The following NOL4 variants were observed in gnomAD, a reference collection of about 807,000 sequenced individuals.
The protein encoded by NOL4 is nucleolar protein 4, also known as cancer/testis antigen 125.
NOL4 carries 17 observed loss-of-function variants against 75.9 expected under a neutral mutation model. That is an observed-to-expected ratio of 0.22 (90% CI 0.15 to 0.34). The LOEUF (loss-of-function observed/expected upper bound fraction) is 0.34, where lower values mean the gene tolerates loss of function less well. NOL4 is among the 10% of genes least tolerant of loss of function. NOL4 has a pLI of 1.00. For missense variants in NOL4, 614 were observed against 793.5 expected, an observed-to-expected ratio of 0.77 and a Z score of 2.72; for synonymous variants, 292 against 289.9, an observed-to-expected ratio of 1.01 and a Z score of -0.07.
chr18:33,861,709 T>C (rs1403257391), intron 10 of NOL4, among the ~76,000 whole-genome samples: 2 of 152,190 alleles, frequency 1.3e-5, no homozygotes, highest in East Asian at 3.9e-4. Context: ...ATCCACCTTA[T>C]AAGGGACATG....
At chr18:33,944,843 T>C (rs1267207918) in intron 8 of NOL4, among the ~76,000 whole-genome samples, 1 of 151,888 alleles carries the variant, frequency 6.6e-6, no homozygotes, top group Non-Finnish European at 1.5e-5. Context: ...TCTACTTCAC[T>C]AAGTATAAAG....
chr18:33,887,082 A>T (rs2064772548), intron 9 of NOL4, among the ~76,000 whole-genome samples: 1 of 140,508 alleles, frequency 7.1e-6, no homozygotes, highest in Non-Finnish European at 1.5e-5. Context: ...ATATATCTAT[A>T]TATATTAGAT....
intron 5 of NOL4, among the ~76,000 whole-genome samples, chr18:34,062,964 A>C (rs557137073): frequency 1.3e-5 from 2 of 152,280 alleles, no homozygotes; most frequent in African/African-American, 4.8e-5. Flanking sequence ...AATCAACTTT[A>C]TATCATAGAA....
chr18:34,109,867 T>C (rs915168965), intron 2 of NOL4, among the ~76,000 whole-genome samples: 10 of 151,568 alleles, frequency 6.6e-5, no homozygotes, highest in Non-Finnish European at 1.5e-4. Context: ...ACAAGAATCA[T>C]GAACAATTAT....
intron 5 of NOL4, among the ~76,000 whole-genome samples, chr18:34,042,753 T>C (rs2076195090): frequency 6.6e-6 from 1 of 152,046 alleles, no homozygotes; most frequent in African/African-American, 2.4e-5. Flanking sequence ...AAGAGAAATC[T>C]CATGTGCTAA....
chr18:33,943,255 C>T, intron 8 of NOL4, 77 bp from the exon 9 acceptor site: 1 of 887,824 alleles, frequency 1.1e-6, no homozygotes. Context: ...CTCAGAAGAG[C>T]TCTCAGGATC....
chr18:34,118,049 T>C (rs1276771388), intron 2 of NOL4, among the ~76,000 whole-genome samples: 1 of 152,192 alleles, frequency 6.6e-6, no homozygotes, highest in Non-Finnish European at 1.5e-5. Flanking sequence ...ACTTGGTGCT[T>C]TGGTATATTG....
intron 1 of NOL4, among the ~76,000 whole-genome samples, chr18:34,168,110 A>C (rs1162321738): frequency 6.6e-6 from 1 of 152,080 alleles, no homozygotes; most frequent in Admixed American, 6.5e-5. Context: ...TGAATTCAGA[A>C]ATTTAGGAAA....
chr18:34,048,602 C>T, intron 5 of NOL4: 4 of 985,352 alleles, frequency 4.1e-6, no homozygotes, highest in Non-Finnish European at 4.8e-6. Flanking sequence ...AAGAGCTAAT[C>T]TTTCCTGTAT....
intron 1 of NOL4, among the ~76,000 whole-genome samples, chr18:34,201,119 G>A (rs1426538506): frequency 6.6e-6 from 1 of 151,698 alleles, no homozygotes. Context: ...AGCAAGAGAG[G>A]GGGACAGAGG....
chr18:33,977,288 T>G (rs2071567801), intron 6 of NOL4, among the ~76,000 whole-genome samples: 1 of 152,134 alleles, frequency 6.6e-6, no homozygotes, highest in Non-Finnish European at 1.5e-5. Flanking sequence ...CACCCAAATC[T>G]CATCTTGAAT....
At chr18:34,171,574 A>G (rs895543451) in intron 1 of NOL4, among the ~76,000 whole-genome samples, 1 of 152,202 alleles carries the variant, frequency 6.6e-6, no homozygotes, top group African/African-American at 2.4e-5. Context: ...CTGAATGACC[A>G]TAGTCTTACT....
At chr18:34,054,321 G>A (rs1184455746) in intron 5 of NOL4, among the ~76,000 whole-genome samples, 1 of 151,650 alleles carries the variant, frequency 6.6e-6, no homozygotes, top group Non-Finnish European at 1.5e-5. Context: ...TACTATTATT[G>A]TGCTGCTGTA....
chr18:34,057,179 T>G (rs973576721), intron 5 of NOL4, among the ~76,000 whole-genome samples: 10 of 152,244 alleles, frequency 6.6e-5, no homozygotes, highest in African/African-American at 2.2e-4. Flanking sequence ...AGGCAGGGAT[T>G]TTACACTGTT....
intron 10 of NOL4, among the ~76,000 whole-genome samples, chr18:33,872,340 T>A (rs1034920842): frequency 2.0e-5 from 3 of 152,054 alleles, no homozygotes; most frequent in Non-Finnish European, 4.4e-5. Flanking sequence ...CACACTGGGA[T>A]TAGTTCTTCT....
At chr18:34,133,108 A>G (rs544601762) in intron 1 of NOL4, among the ~76,000 whole-genome samples, 3 of 151,976 alleles carry the variant, frequency 2.0e-5, no homozygotes, top group Non-Finnish European at 4.4e-5. Flanking sequence ...CTCCATCTCT[A>G]CTAAAAATAC....
intron 1 of NOL4, among the ~76,000 whole-genome samples, chr18:34,166,417 G>C (rs1315976660): frequency 3.3e-5 from 5 of 152,126 alleles, no homozygotes; most frequent in Non-Finnish European, 5.9e-5. Flanking sequence ...ACTTTGTCTA[G>C]AAGAGGGAAA....
intron 5 of NOL4, among the ~76,000 whole-genome samples, chr18:34,079,870 T>C (rs752331429): frequency 6.6e-6 from 1 of 152,234 alleles, no homozygotes; most frequent in Non-Finnish European, 1.5e-5. Flanking sequence ...TATATAACTA[T>C]GCTATTAATT....
At chr18:34,193,037 A>T (rs564278521) in intron 1 of NOL4, among the ~76,000 whole-genome samples, 1 of 152,176 alleles carries the variant, frequency 6.6e-6, no homozygotes, top group Non-Finnish European at 1.5e-5. Context: ...AGTCTTTATA[A>T]ACTACCCAGT....
Sources: gnomAD v4.1 joint callset for allele counts (sites outside exome capture counted in the v4.1 genomes callset) on GRCh38, gnomAD v4.1.1 for gene constraint, MANE v1.5 for transcripts, NCBI Gene and HGNC (gene_info 2026-07-23, HGNC 2026-07-21) for gene names.